The following ZBTB16 variants were observed in gnomAD, a reference collection of about 807,000 sequenced individuals.
The protein encoded by ZBTB16 is zinc finger and BTB domain-containing protein 16.
In ZBTB16, 8 loss-of-function variants were observed where a neutral mutation model predicts 56.8. The observed-to-expected ratio is 0.14, with a 90% CI of 0.08 to 0.25. ZBTB16 has a LOEUF of 0.25. ZBTB16 is among the 10% of genes least tolerant of loss of function. ZBTB16 has a pLI of 1.00. For missense variants in ZBTB16, 625 were observed against 903.0 expected, an observed-to-expected ratio of 0.69 and a Z score of 3.95; for synonymous variants, 363 against 368.5, an observed-to-expected ratio of 0.98 and a Z score of 0.17.
intron 4 of ZBTB16, among the ~76,000 whole-genome samples, chr11:114,240,336 G>A (rs564145883): frequency 6.6e-6 from 1 of 152,270 alleles, no homozygotes; most frequent in South Asian, 2.1e-4. Context: ...TCCATTGATG[G>A]CCAGGAAGGC....
chr11:114,088,224 C>T (rs559711790), intron 2 of ZBTB16, among the ~76,000 whole-genome samples: 12 of 150,192 alleles, frequency 8.0e-5, no homozygotes, highest in Admixed American at 6.7e-4. Flanking sequence ...TCACTGCAGC[C>T]TCTGCCTCTT....
At chr11:114,193,141 G>T (rs1012098117) in intron 4 of ZBTB16, among the ~76,000 whole-genome samples, 3 of 152,204 alleles carry the variant, frequency 2.0e-5, no homozygotes, top group African/African-American at 4.8e-5. Flanking sequence ...TGTGGATGGG[G>T]CTCCTCAGCT....
At chr11:114,235,771 T>A in intron 4 of ZBTB16, among the ~76,000 whole-genome samples, 1 of 147,786 alleles carries the variant, frequency 6.8e-6, no homozygotes, top group African/African-American at 2.6e-5. Flanking sequence ...CTTCCTTCGT[T>A]CCTTCCTTCC....
At chr11:114,130,300 G>T (rs991849515) in intron 2 of ZBTB16, among the ~76,000 whole-genome samples, 10 of 152,186 alleles carry the variant, frequency 6.6e-5, no homozygotes, top group Non-Finnish European at 1.5e-4. Context: ...GGAGAGAGCT[G>T]AAAAACTCTC....
intron 2 of ZBTB16, among the ~76,000 whole-genome samples, chr11:114,131,219 G>A (rs927608159): frequency 1.3e-5 from 2 of 152,186 alleles, no homozygotes; most frequent in Admixed American, 1.3e-4. Flanking sequence ...TTACTGATGT[G>A]TAGTGGGTAG....
At chr11:114,158,358 A>G (rs1435566962) in intron 3 of ZBTB16, among the ~76,000 whole-genome samples, 2 of 151,992 alleles carry the variant, frequency 1.3e-5, no homozygotes, top group African/African-American at 2.4e-5. Flanking sequence ...GGTTTGCTTT[A>G]TGGGCTTGTT....
At chr11:114,074,609 T>C (rs1829383398) in intron 2 of ZBTB16, among the ~76,000 whole-genome samples, 1 of 152,224 alleles carries the variant, frequency 6.6e-6, no homozygotes, top group Non-Finnish European at 1.5e-5. Flanking sequence ...TTCTTGCCGA[T>C]GTACCTTATT....
At chr11:114,103,844 G>C (rs1940698251) in intron 2 of ZBTB16, among the ~76,000 whole-genome samples, 1 of 152,150 alleles carries the variant, frequency 6.6e-6, no homozygotes, top group East Asian at 1.9e-4. Context: ...GGCTTGTGGT[G>C]GCATCAGTGG....
intron 2 of ZBTB16, among the ~76,000 whole-genome samples, chr11:114,098,409 A>G (rs1446566861): frequency 6.6e-6 from 1 of 152,126 alleles, no homozygotes; most frequent in Non-Finnish European, 1.5e-5. Flanking sequence ...TTTATTTTAA[A>G]CTTACAACCT....
chr11:114,246,122 C>G (rs1298185431), intron 5 of ZBTB16, among the ~76,000 whole-genome samples: 1 of 152,180 alleles, frequency 6.6e-6, no homozygotes, highest in East Asian at 1.9e-4. Flanking sequence ...AAAGGCAGTT[C>G]TCTCCAAGTT....
chr11:114,245,829 G>A (rs950373924), intron 5 of ZBTB16, among the ~76,000 whole-genome samples: 2 of 152,152 alleles, frequency 1.3e-5, no homozygotes, highest in Non-Finnish European at 2.9e-5. Flanking sequence ...AATACAGTGG[G>A]CCATTCTTTA....
intron 4 of ZBTB16, among the ~76,000 whole-genome samples, chr11:114,230,566 G>A (rs1484092050): frequency 3.0e-5 from 4 of 133,590 alleles, no homozygotes; most frequent in South Asian, 2.6e-4. Flanking sequence ...CAGGCCCACA[G>A]CCCTCCTTTT....
intron 4 of ZBTB16, among the ~76,000 whole-genome samples, chr11:114,194,740 A>G (rs1249789313): frequency 2.0e-5 from 3 of 152,354 alleles, no homozygotes; most frequent in East Asian, 3.9e-4. Flanking sequence ...GTGCACGTGC[A>G]CACCCCCATG....
chr11:114,145,366 A>G (rs959274162), intron 2 of ZBTB16, among the ~76,000 whole-genome samples: 1 of 152,242 alleles, frequency 6.6e-6, no homozygotes, highest in Non-Finnish European at 1.5e-5. Flanking sequence ...TTGTACACAA[A>G]TGTTCATAGC....
chr11:114,148,417 C>CTCTCTCTCTCTCTGTCTGTCTG (rs1374079137), intron 2 of ZBTB16, among the ~76,000 whole-genome samples: 2 of 19,320 alleles, frequency 1.0e-4, no homozygotes, highest in African/African-American at 2.0e-4. Flanking sequence ...CCCTCCCTCC[C>CTCTCTCTCTCTCTGTCTGTCTG]TCCCTCCCTC....
chr11:114,094,254 G>A (rs964669274), intron 2 of ZBTB16, among the ~76,000 whole-genome samples: 4 of 152,160 alleles, frequency 2.6e-5, no homozygotes, highest in African/African-American at 9.7e-5. Context: ...GGCAGAGTTT[G>A]CAGTGAGCTG....
chr11:114,087,644 C>A (rs1257747826), intron 2 of ZBTB16, among the ~76,000 whole-genome samples: 1 of 152,192 alleles, frequency 6.6e-6, no homozygotes, highest in East Asian at 1.9e-4. Flanking sequence ...CTGCAAGGCT[C>A]ATCACCCCAC....
At chr11:114,101,837 G>T (rs920288516) in intron 2 of ZBTB16, among the ~76,000 whole-genome samples, 6 of 152,188 alleles carry the variant, frequency 3.9e-5, no homozygotes, top group African/African-American at 1.4e-4. Context: ...ATTGCCTATA[G>T]GGAGATACAT....
At chr11:114,147,571 G>A (rs1391478270) in intron 2 of ZBTB16, among the ~76,000 whole-genome samples, 2 of 152,162 alleles carry the variant, frequency 1.3e-5, no homozygotes, top group Non-Finnish European at 1.5e-5. Flanking sequence ...CATCAAGCAT[G>A]CATCATGGTG....
Sources: allele counts gnomAD v4.1 joint callset (sites outside exome capture counted in the v4.1 genomes callset), GRCh38; gene constraint gnomAD v4.1.1; transcripts MANE v1.5; gene names NCBI Gene and HGNC (gene_info 2026-07-23, HGNC 2026-07-21).